The following DAB1 variants were observed in gnomAD, a reference collection of about 807,000 sequenced individuals.
DAB1 encodes the protein disabled homolog 1.
Under a neutral mutation model 64.6 loss-of-function variants are expected in DAB1, and 15 were observed. The ratio of observed to expected loss-of-function variants is 0.23; its 90% CI spans 0.16 to 0.36. The LOEUF (loss-of-function observed/expected upper bound fraction) is 0.36, where lower values mean the gene tolerates loss of function less well. Ranked by LOEUF, DAB1 falls within the 10% of genes least tolerant of loss-of-function variation. DAB1 has a pLI of 1.00. For synonymous variants in DAB1, 235 were observed against 251.9 expected (o/e 0.93, Z 0.64); for missense variants, 596 against 706.7 (o/e 0.84, Z 1.78).
chr1:57,416,843 C>T (rs554777173), intron 1 of DAB1, among the ~76,000 whole-genome samples: 1 of 152,246 alleles, frequency 6.6e-6, no homozygotes, highest in East Asian at 1.9e-4. Flanking sequence ...AGCTATATTT[C>T]CTTTCCCTAA....
intron 5 of DAB1, among the ~76,000 whole-genome samples, chr1:57,900,050 C>A (rs960914039): frequency 6.6e-6 from 1 of 152,020 alleles, no homozygotes. Flanking sequence ...GCTGTCCTCC[C>A]ATTTCGGCCT....
intron 5 of DAB1, among the ~76,000 whole-genome samples, chr1:58,089,002 C>A (rs181158447): frequency 1.3e-5 from 2 of 152,340 alleles, no homozygotes; most frequent in East Asian, 3.9e-4. Flanking sequence ...GATACCTTAG[C>A]ATTCTAGTGT....
chr1:58,326,797 T>C (rs1662835391), intron 4 of DAB1, among the ~76,000 whole-genome samples: 1 of 152,202 alleles, frequency 6.6e-6, no homozygotes, highest in Non-Finnish European at 1.5e-5. Flanking sequence ...TATTGTCTTC[T>C]GGGTCCGCAC....
intron 1 of DAB1, among the ~76,000 whole-genome samples, chr1:57,404,598 T>G (rs531569404): frequency 9.9e-5 from 15 of 152,174 alleles, no homozygotes; most frequent in Admixed American, 2.6e-4. Context: ...TTTATGCTTT[T>G]TTTGTGTTTT....
At chr1:58,464,772 G>A (rs338251) in intron 3 of DAB1, among the ~76,000 whole-genome samples, 125,429 of 152,224 alleles carry the variant, frequency 0.82, 52,609 homozygotes, top group African/African-American at 0.93. Flanking sequence ...AGGAGGAGAC[G>A]AGAACTGAAC....
chr1:57,388,971 T>C (rs1682115315), intron 1 of DAB1, among the ~76,000 whole-genome samples: 1 of 152,248 alleles, frequency 6.6e-6, no homozygotes, highest in Non-Finnish European at 1.5e-5. Flanking sequence ...CAGCTCTGCC[T>C]GCCTCCTTTT....
At chr1:58,327,403 T>C (rs1055845936) in intron 4 of DAB1, among the ~76,000 whole-genome samples, 7 of 152,120 alleles carry the variant, frequency 4.6e-5, no homozygotes, top group African/African-American at 1.2e-4. Flanking sequence ...AACCCACTCC[T>C]GATTAATGAT....
At chr1:58,058,262 G>A (rs1254812379) in intron 5 of DAB1, among the ~76,000 whole-genome samples, 1 of 152,038 alleles carries the variant, frequency 6.6e-6, no homozygotes, top group Admixed American at 6.6e-5. Context: ...TACCTTATGA[G>A]GTAAGTACTA....
chr1:57,797,301 C>G (rs1321182193), intron 6 of DAB1, among the ~76,000 whole-genome samples: 1 of 152,180 alleles, frequency 6.6e-6, no homozygotes, highest in Non-Finnish European at 1.5e-5. Flanking sequence ...CCCTTAGGCT[C>G]AGCCCCAGAC....
intron 5 of DAB1, among the ~76,000 whole-genome samples, chr1:58,032,637 G>C (rs1184892545): frequency 6.6e-6 from 1 of 152,166 alleles, no homozygotes; most frequent in Non-Finnish European, 1.5e-5. Context: ...ATCCAGAGAG[G>C]TTAAAGTGCA....
intron 2 of DAB1, among the ~76,000 whole-genome samples, chr1:57,247,258 C>T (rs1483786847): frequency 6.6e-6 from 1 of 152,112 alleles, no homozygotes; most frequent in African/African-American, 2.4e-5. Flanking sequence ...ATCATGGGGG[C>T]AGATTTCACC....
intron 5 of DAB1, among the ~76,000 whole-genome samples, chr1:57,923,948 T>G (rs536144840): frequency 1.1e-4 from 16 of 152,308 alleles, no homozygotes; most frequent in Middle Eastern, 3.4e-3. Context: ...AAAGAAACAC[T>G]TATAACAGAC....
At chr1:57,901,943 A>G (rs1335079044) in intron 5 of DAB1, among the ~76,000 whole-genome samples, 1 of 150,184 alleles carries the variant, frequency 6.7e-6, no homozygotes, top group Non-Finnish European at 1.5e-5. Flanking sequence ...TGTATTAAAA[A>G]CAAACAAACA....
intron 2 of DAB1, among the ~76,000 whole-genome samples, chr1:57,247,871 A>G (rs1669006303): frequency 6.6e-6 from 1 of 152,246 alleles, no homozygotes; most frequent in South Asian, 2.1e-4. Flanking sequence ...AGCTACTTGT[A>G]GAAAATGGCA....
Position 57,185,499 on chromosome 1 carries a change from G to C in DAB1, c.68-40070C>G, listed in dbSNP as rs569090859. Among the ~76,000 whole-genome samples the C allele has an allele frequency of 3.4e-4, 51 of 148,462 alleles. 1 individual carries two copies. Among genetic ancestry groups the C allele is most frequent in the African/African-American group, 1.3e-3 (50 of 39,582 alleles). On this transcript the variant is annotated intron_variant, in intron 2 of 14. Coordinates refer to ENST00000371236, the MANE Select transcript of DAB1 (RefSeq NM_001365792.1). ...AGTTAGAAGGAGGGAGAAAAAGAGA[G>C]AGGCAGGAATCCTAGGCAACCAAGA...
intron 6 of DAB1, among the ~76,000 whole-genome samples, chr1:57,773,883 T>C (rs1244877686): frequency 6.6e-6 from 1 of 152,082 alleles, no homozygotes; most frequent in Non-Finnish European, 1.5e-5. Context: ...AATTCTATTA[T>C]GCGTTGTTAC....
intron 4 of DAB1, among the ~76,000 whole-genome samples, chr1:57,075,664 A>T (rs1651921103): frequency 1.3e-5 from 2 of 152,324 alleles, no homozygotes; most frequent in East Asian, 1.9e-4. Flanking sequence ...CTTCAAGTAG[A>T]ATTTATCAGC....
Position 57,015,235 on chromosome 1 carries a change from G to A in DAB1, c.1092C>T (p.Ala364=), listed in dbSNP as rs747039667. ...TAACAGTTTGTGTGGGCATGAAGGC[G>A]GCTGGCGGAAACTGCCCGGCCACAG... ...WPTVAGQFPP[A]AFMPTQTVMP... Residue 364 remains alanine (A), a synonymous_variant, in exon 12 of 15, where the codon GCC becomes GCT. Coordinates refer to ENST00000371236, the MANE Select transcript of DAB1 (RefSeq NM_001365792.1). 30 of 1,613,992 alleles carry A rather than the reference G, an allele frequency of 1.9e-5. No homozygotes were observed. In the South Asian group the frequency reaches 2.4e-4, roughly 13 times the overall value.
At chr1:57,918,063 G>A (rs548963594) in intron 5 of DAB1, among the ~76,000 whole-genome samples, 10 of 115,948 alleles carry the variant, frequency 8.6e-5, no homozygotes, top group East Asian at 2.8e-4. Context: ...GTGAGACTCC[G>A]TCTCAATAAA....
Sources: allele counts gnomAD v4.1 joint callset (sites outside exome capture counted in the v4.1 genomes callset), GRCh38; gene constraint gnomAD v4.1.1; transcripts MANE v1.5; gene names NCBI Gene and HGNC (gene_info 2026-07-23, HGNC 2026-07-21).